The following KHDRBS2 variants were observed in gnomAD, a reference collection of about 807,000 sequenced individuals.
KHDRBS2 encodes KH RNA binding domain containing, signal transduction associated 2, also known as KH domain-containing, RNA-binding, signal transduction-associated protein 2.
In KHDRBS2, 26 loss-of-function variants were observed where a neutral mutation model predicts 44.3. That is an observed-to-expected ratio of 0.59 (90% CI 0.43 to 0.81). KHDRBS2 has a LOEUF of 0.81. KHDRBS2 is among the 40% of genes least tolerant of loss of function. The pLI, the probability that KHDRBS2 is intolerant of heterozygous loss-of-function variation, is 0.00. For missense variants in KHDRBS2, 476 were observed against 433.1 expected, an observed-to-expected ratio of 1.10 and a Z score of -0.88; for synonymous variants, 194 against 151.1, an observed-to-expected ratio of 1.28 and a Z score of -2.08.
At chr6:61,706,678 C>T (rs145385635) in intron 7 of KHDRBS2, among the ~76,000 whole-genome samples, 25 of 151,558 alleles carry the variant, frequency 1.6e-4, no homozygotes, top group African/African-American at 1.9e-4. Context: ...TCTGGGAATA[C>T]GAAGTGGAAA....
chr6:61,653,572 C>T, the KHDRBS2 span, among the ~76,000 whole-genome samples: 1 of 151,530 alleles, frequency 6.6e-6, no homozygotes, highest in Non-Finnish European at 1.5e-5. Flanking sequence ...TAAAACAGTC[C>T]TTCCTTTATG....
rs555864018 is a variant in KHDRBS2 at position 62,159,603 on chromosome 6, C to T, written c.219+17582G>A. Among the ~76,000 whole-genome samples the T allele has an allele frequency of 1.2e-4, 19 of 152,186 alleles. No homozygotes were observed. The South Asian group carries it at 3.7e-3, about 30-fold the overall frequency. On this transcript the variant is annotated intron_variant, in intron 2 of 8. Transcript: ENST00000281156. ...GACAAGGGGGTTGGGACATCTACTC[C>T]TCACAAAGTTGAAAATCCACATATA...
At chr6:61,912,400 A>T (rs1806215573) in intron 4 of KHDRBS2, among the ~76,000 whole-genome samples, 1 of 152,166 alleles carries the variant, frequency 6.6e-6, no homozygotes, top group African/African-American at 2.4e-5. Flanking sequence ...AATAGGAAAC[A>T]TCTGTTGAAT....
intron 2 of KHDRBS2, among the ~76,000 whole-genome samples, chr6:62,139,417 G>A (rs952972535): frequency 1.3e-5 from 2 of 151,938 alleles, no homozygotes; most frequent in Non-Finnish European, 2.9e-5. Flanking sequence ...GCCGGGCGTG[G>A]TGGCGGGCAC....
At chr6:61,944,828 C>A (rs1321375258) in intron 4 of KHDRBS2, among the ~76,000 whole-genome samples, 3 of 151,652 alleles carry the variant, frequency 2.0e-5, no homozygotes, top group African/African-American at 7.3e-5. Flanking sequence ...CAGTGGCTCA[C>A]GCCTGAAATC....
At chr6:62,036,068 G>T (rs981841179) in intron 3 of KHDRBS2, among the ~76,000 whole-genome samples, 1 of 151,936 alleles carries the variant, frequency 6.6e-6, no homozygotes, top group African/African-American at 2.4e-5. Flanking sequence ...GTTGCTCCAA[G>T]TCTTCTCCTA....
chr6:61,829,618 T>G (rs544200038), intron 6 of KHDRBS2, among the ~76,000 whole-genome samples: 2 of 152,242 alleles, frequency 1.3e-5, no homozygotes, highest in Admixed American at 1.3e-4. Flanking sequence ...GCAGGTCAAT[T>G]AAGCACTGTG....
the KHDRBS2 span, among the ~76,000 whole-genome samples, chr6:61,629,813 A>G: frequency 6.6e-6 from 1 of 152,328 alleles, no homozygotes; most frequent in South Asian, 2.1e-4. Flanking sequence ...AATAGTGAAA[A>G]TTTACTTTTC....
At chr6:61,926,162 A>C (rs1443219657) in intron 4 of KHDRBS2, among the ~76,000 whole-genome samples, 2 of 152,206 alleles carry the variant, frequency 1.3e-5, no homozygotes, top group Non-Finnish European at 2.9e-5. Context: ...CGTAGGTAGA[A>C]TCTGGGTGAC....
chr6:61,764,472 T>C (rs1779710878), intron 6 of KHDRBS2, among the ~76,000 whole-genome samples: 1 of 152,124 alleles, frequency 6.6e-6, no homozygotes, highest in Non-Finnish European at 1.5e-5. Flanking sequence ...ACTATTACTT[T>C]TAATAATTTA....
the KHDRBS2 span, among the ~76,000 whole-genome samples, chr6:61,547,130 G>T: frequency 1.3e-5 from 2 of 152,090 alleles, no homozygotes; most frequent in African/African-American, 4.8e-5. Flanking sequence ...AATCTACACA[G>T]ATATAGAGAG....
rs181137323 is a variant in KHDRBS2, at chr6:62,152,001, T to C, written c.219+25184A>G. On this transcript the variant is annotated intron_variant, in intron 2 of 8. Coordinates refer to ENST00000281156, the MANE Select transcript of KHDRBS2 (RefSeq NM_152688.4). ...AATATTTTATTTCTCCATACCTTAG[T>C]GTTTTCATCTGCTATACGGAAATAA... 3.3e-3 allele frequency among the ~76,000 whole-genome samples: 495 copies of C among 152,296 alleles called. 3 individuals carry two copies. Among genetic ancestry groups the C allele is most frequent in the Non-Finnish European group, 5.0e-3 (337 of 68,018 alleles).
intron 6 of KHDRBS2, among the ~76,000 whole-genome samples, chr6:61,871,935 G>T (rs2127304492): frequency 6.9e-6 from 1 of 145,360 alleles, no homozygotes; most frequent in African/African-American, 2.5e-5. Flanking sequence ...ACACACTAGG[G>T]CCTGTCAGGG....
At chr6:61,559,986 T>C in the KHDRBS2 span, among the ~76,000 whole-genome samples, 2 of 152,208 alleles carry the variant, frequency 1.3e-5, no homozygotes, top group Non-Finnish European at 2.9e-5. Context: ...GCATTTCTTG[T>C]AGGACATGTG....
the KHDRBS2 span, among the ~76,000 whole-genome samples, chr6:61,553,351 C>T: frequency 2.6e-5 from 4 of 152,002 alleles, no homozygotes; most frequent in Middle Eastern, 3.4e-3. Context: ...GGTAACATCC[C>T]GTTTGTCATT....
chr6:62,190,625 T>G (rs1256916656), intron 1 of KHDRBS2, among the ~76,000 whole-genome samples: 1 of 152,132 alleles, frequency 6.6e-6, no homozygotes, highest in Admixed American at 6.6e-5. Flanking sequence ...GGTTTCATAC[T>G]TTTTTCAATA....
intron 1 of KHDRBS2, among the ~76,000 whole-genome samples, chr6:62,194,886 T>C (rs1278490929): frequency 6.6e-6 from 1 of 152,106 alleles, no homozygotes; most frequent in Non-Finnish European, 1.5e-5. Flanking sequence ...AATATGTTCA[T>C]CCTTTTCACA....
chr6:62,160,486 T>G (rs1358536449), intron 2 of KHDRBS2, among the ~76,000 whole-genome samples: 1 of 152,142 alleles, frequency 6.6e-6, no homozygotes, highest in Non-Finnish European at 1.5e-5. Flanking sequence ...AACTTAGAGA[T>G]GGTAATGGGC....
chr6:62,069,929 T>C (rs1794592998), intron 2 of KHDRBS2, among the ~76,000 whole-genome samples: 1 of 151,844 alleles, frequency 6.6e-6, no homozygotes, highest in Non-Finnish European at 1.5e-5. Context: ...ATACATTTTA[T>C]GCATTGATGG....
Sources: allele counts gnomAD v4.1 joint callset (sites outside exome capture counted in the v4.1 genomes callset), GRCh38; gene constraint gnomAD v4.1.1; transcripts MANE v1.5; gene names NCBI Gene and HGNC (gene_info 2026-07-23, HGNC 2026-07-21).